AQR: variants seen among roughly 807,000 people sequenced by gnomAD.
The protein encoded by AQR is RNA helicase aquarius.
AQR carries 61 observed loss-of-function variants against 180.5 expected under a neutral mutation model. The ratio of observed to expected loss-of-function variants is 0.34; its 90% CI spans 0.28 to 0.42. The LOEUF (loss-of-function observed/expected upper bound fraction) is 0.42. Among genes scored for constraint, AQR ranks in the 10% least tolerant of loss-of-function variants. The pLI is 1.00. For missense variants in AQR, 1,281 were observed against 1,798.3 expected (o/e 0.71, Z 5.20); for synonymous variants, 551 against 588.8 (o/e 0.94, Z 0.93).
At chr15:34,940,693 G>GGAAAAGAA (rs1281473059) in intron 8 of AQR, among the ~76,000 whole-genome samples, 1 of 152,070 alleles carries the variant, frequency 6.6e-6, no homozygotes, top group Non-Finnish European at 1.5e-5. Flanking sequence ...ACAGAAAGAA[G>GGAAAAGAA]GAAAAGAAGA....
intron 27 of AQR, among the ~76,000 whole-genome samples, chr15:34,879,881 AG>A (rs929620678): frequency 4.6e-5 from 7 of 152,170 alleles, no homozygotes; most frequent in African/African-American, 1.7e-4. Flanking sequence ...TTATGTCAAA[AG>A]TCTGTGTACA....
At chr15:34,910,018 A>G (rs1224825195) in intron 17 of AQR, 117 bp downstream of exon 17, 2 of 1,201,966 alleles carry the variant, frequency 1.7e-6, no homozygotes, top group South Asian at 1.6e-5. Context: ...AATTTCAAGG[A>G]TAACGCTTAA....
At chr15:34,922,052 T>G (rs543297457) in intron 13 of AQR, among the ~76,000 whole-genome samples, 103 of 152,322 alleles carry the variant, frequency 6.8e-4, no homozygotes, top group South Asian at 1.2e-3. Flanking sequence ...GCTCAAGTGA[T>G]CTGCCTGCCT....
intron 11 of AQR, among the ~76,000 whole-genome samples, chr15:34,931,346 GATTTTAATAT>G (rs898896705): frequency 5.9e-5 from 9 of 151,974 alleles, no homozygotes; most frequent in Admixed American, 2.0e-4. Flanking sequence ...CAGATATTAA[GATTTTAATAT>G]ATTTTAATAT....
At chr15:34,871,013 T>C in intron 30 of AQR, 91 bp from the exon 31 acceptor site, 1 of 1,312,356 alleles carries the variant, frequency 7.6e-7, no homozygotes, top group Non-Finnish European at 1.1e-6. Context: ...CAAAACTTGT[T>C]CACTTTGCAC....
At chr15:34,875,713 T>C (rs1892880248) in intron 28 of AQR, among the ~76,000 whole-genome samples, 1 of 152,162 alleles carries the variant, frequency 6.6e-6, no homozygotes, top group Non-Finnish European at 1.5e-5. Context: ...AGAAATAGAC[T>C]ATGAAATTTT....
chr15:34,862,120 A>T (rs2068060112), intron 33 of AQR, among the ~76,000 whole-genome samples: 1 of 152,166 alleles, frequency 6.6e-6, no homozygotes. Flanking sequence ...AAGGGGAGAA[A>T]GAAGGGGAGA....
intron 3 of AQR, among the ~76,000 whole-genome samples, chr15:34,960,372 T>G (rs1254351812): frequency 6.6e-6 from 1 of 152,234 alleles, no homozygotes; most frequent in Non-Finnish European, 1.5e-5. Context: ...AAAATAATTT[T>G]TATCACTTCT....
At chr15:34,964,759 T>TAAA (rs34620759) in intron 1 of AQR, among the ~76,000 whole-genome samples, 4 of 146,240 alleles carry the variant, frequency 2.7e-5, no homozygotes, top group Non-Finnish European at 3.0e-5. Context: ...TAACAAAACC[T>TAAA]AAAAAAAAAA....
chr15:34,882,465 T>TAAAAAAAAAAAAAAAAAAAAAAAAAA (rs34949352), intron 27 of AQR, 37 bp downstream of exon 27: 2 of 1,200,472 alleles, frequency 1.7e-6, no homozygotes, highest in African/African-American at 3.7e-5. Context: ...CTGATAATCT[T>TAAAAAAAAAAAAAAAAAAAAAAAAAA]AAAAAAAAAA....
intron 16 of AQR, among the ~76,000 whole-genome samples, chr15:34,910,801 G>A (rs952519494): frequency 2.0e-5 from 3 of 152,202 alleles, no homozygotes; most frequent in African/African-American, 7.2e-5. Context: ...TTTTGTGTGT[G>A]TGGTAAGAAT....
At chr15:34,905,535 G>C (rs935931333) in intron 18 of AQR, among the ~76,000 whole-genome samples, 11 of 151,888 alleles carry the variant, frequency 7.2e-5, no homozygotes, top group Non-Finnish European at 1.3e-4. Flanking sequence ...TAGCATCCTT[G>C]GCTCACAGTT....
Position 34,854,467 on chromosome 15 carries a change from AC to A in AQR, c.*2324del, listed in dbSNP as rs1026019493. On this transcript the variant is annotated 3_prime_UTR_variant, in exon 35 of 35. Transcript: ENST00000156471. ...CCGTAGAACTGTAGACTTGGATTCT[AC>A]CCCCACTCTTCCATAGTTGCCACCC... The A allele has an allele frequency of 2.0e-5, 3 of 152,058 alleles. No homozygotes were observed. Among genetic ancestry groups the A allele is most frequent in the African/African-American group, 7.2e-5 (3 of 41,398 alleles). 9.4% of individuals were successfully genotyped at this position (152,058 alleles called of 1,614,324 possible). A position where few individuals can be genotyped will look rare whatever the true frequency, so the allele number is the denominator to read the frequency against.
At chr15:34,962,726 G>A (rs1346891834) in intron 2 of AQR, among the ~76,000 whole-genome samples, 1 of 150,892 alleles carries the variant, frequency 6.6e-6, no homozygotes, top group Non-Finnish European at 1.5e-5. Context: ...CCAGAATCGT[G>A]CCATTACACT....
chr15:34,916,691 A>G (rs1357911738), intron 15 of AQR, among the ~76,000 whole-genome samples: 2 of 152,074 alleles, frequency 1.3e-5, no homozygotes, highest in Non-Finnish European at 2.9e-5. Flanking sequence ...TCCTGATGAA[A>G]GAACACACCA....
At chr15:34,887,371 C>T (rs1893078180) in intron 24 of AQR, among the ~76,000 whole-genome samples, 1 of 152,180 alleles carries the variant, frequency 6.6e-6, no homozygotes, top group African/African-American at 2.4e-5. Flanking sequence ...CTGCTTCAAA[C>T]AGCACTGTTT....
In AQR at chr15:34,915,165, G is replaced by A; in HGVS notation, c.1357C>T (p.Pro453Ser). 1 of 1,594,528 alleles carries A rather than the reference G, an allele frequency of 6.3e-7. No individual in the cohort carries two copies. The highest frequency in any genetic ancestry group is 8.5e-7 in the Non-Finnish European group (1 of 1,174,470). Residue 453 changes from proline to serine, a missense_variant, in exon 16 of 35, where the codon CCC becomes TCC. Pro to Ser is a moderately conservative substitution (Grantham distance 74). Transcript: ENST00000156471. The part of the protein sequence containing the change: ...YYSGEGCLAL[P>S]KLNLQFLTLH... ...GTCAAAAACTGCAAATTCAATTTGGGAAGAGCAAGACAACCTGAAAAGGAA... is the reference window on the plus strand; with the variant it reads ...GTCAAAAACTGCAAATTCAATTTGGAAAGAGCAAGACAACCTGAAAAGGAA...
Position 34,918,389 on chromosome 15 carries a change from G to A in AQR, c.1222-11C>T. ...TTCATGACGAGATACCTAAAATAAA[G>A]GAAACAAGTTCATGCAGAAGGTTAG... On this transcript the variant is annotated splice_polypyrimidine_tract_variant and intron_variant, in intron 14 of 34. Transcript: ENST00000156471. 3 of 1,610,190 alleles carry A rather than the reference G, an allele frequency of 1.9e-6. No homozygotes were observed. The highest frequency in any genetic ancestry group is 2.5e-6 in the Non-Finnish European group (3 of 1,178,502).
At chr15:34,955,054 C>T (rs1216615073) in intron 3 of AQR, among the ~76,000 whole-genome samples, 2 of 152,068 alleles carry the variant, frequency 1.3e-5, no homozygotes, top group Non-Finnish European at 2.9e-5. Context: ...ACCCAGGAGG[C>T]GGAGGTTGCA....
Sources: gnomAD v4.1 joint callset for allele counts (sites outside exome capture counted in the v4.1 genomes callset) on GRCh38, gnomAD v4.1.1 for gene constraint, MANE v1.5 for transcripts, NCBI Gene and HGNC (gene_info 2026-07-23, HGNC 2026-07-21) for gene names.